SLC38A9: variants seen among roughly 807,000 people sequenced by gnomAD.
The protein encoded by SLC38A9 is neutral amino acid transporter 9.
A neutral mutation model predicts 62.3 loss-of-function variants in SLC38A9; 48 were observed. The observed-to-expected ratio is 0.77, with a 90% CI of 0.61 to 0.98. SLC38A9 has a LOEUF of 0.98. Among genes scored for constraint, SLC38A9 ranks in the 50% least tolerant of loss-of-function variants. The probability of loss-of-function intolerance (pLI) is 0.00; values close to 1 mark genes in which losing one functional copy is unlikely to be tolerated. For synonymous variants in SLC38A9, 204 were observed against 227.7 expected (o/e 0.90, Z 0.94); for missense variants, 541 against 679.8 (o/e 0.80, Z 2.27).
chr5:55,709,781 A>C (rs999186954), intron 2 of SLC38A9, among the ~76,000 whole-genome samples: 34 of 152,026 alleles, frequency 2.2e-4, no homozygotes, highest in Admixed American at 1.3e-3. Flanking sequence ...TCTAAGGCTA[A>C]CTGGCTGGGC....
rs987378681 is a variant in SLC38A9, at chr5:55,643,190, A to T, written c.1167+2599T>A. 1.5e-4 allele frequency among the ~76,000 whole-genome samples: 23 copies of T among 152,246 alleles called. 1 individual carries two copies. Among genetic ancestry groups the T allele is most frequent in the African/African-American group, 3.9e-4 (16 of 41,544 alleles). On this transcript the variant is annotated intron_variant, in intron 12 of 15. Transcript: ENST00000396865. The stretch of plus-strand genomic sequence containing the variant: ...AGAAAGTTAGGTTTTTCAGATCTTC[A>T]TTTTTAGTGTAGGTGTTTACAGCTA...
chr5:55,632,651 C>T (rs1198379893), intron 14 of SLC38A9, among the ~76,000 whole-genome samples: 1 of 152,172 alleles, frequency 6.6e-6, no homozygotes, highest in Non-Finnish European at 1.5e-5. Flanking sequence ...GAAACCTTTT[C>T]CCTCAAGCTG....
Position 55,664,740 on chromosome 5 carries a change from C to T in SLC38A9, c.650G>A (p.Trp217Ter). Residue 217 changes from tryptophan to a stop codon, truncating the protein, a stop_gained, in exon 8 of 16, where the codon TGG (tryptophan) becomes TAG (stop). Coordinates refer to ENST00000396865, the MANE Select transcript of SLC38A9 (RefSeq NM_173514.4). LOFTEE classifies it high-confidence loss of function. Reference sequence around the variant, plus strand: ...AAAAAGAAAATTTGACATAAGCACCCAATAAACTATCATTGCTCCAATGAG... The same window carrying T: ...AAAAAGAAAATTTGACATAAGCACCTAATAAACTATCATTGCTCCAATGAG... ...VSLIGAMIVY[W>*]VLMSNFLFNT... 6.3e-7 allele frequency: 1 copy of T among 1,574,832 alleles called. No individual in the cohort carries two copies. Among genetic ancestry groups the T allele is most frequent in the Non-Finnish European group, 8.6e-7 (1 of 1,166,472 alleles).
At chr5:55,638,092 C>T (rs1744754154) in intron 12 of SLC38A9, among the ~76,000 whole-genome samples, 2 of 152,188 alleles carry the variant, frequency 1.3e-5, no homozygotes, top group Admixed American at 1.3e-4. Flanking sequence ...TTTCACAGTA[C>T]TCCAACATAC....
At chr5:55,693,062 A>G in intron 3 of SLC38A9, 2 of 895,754 alleles carry the variant, frequency 2.2e-6, no homozygotes, top group Non-Finnish European at 2.7e-6. Flanking sequence ...TTGGATGAAG[A>G]CCCATTGTGA....
At chr5:55,706,409 T>C (rs1757306578) in intron 2 of SLC38A9, among the ~76,000 whole-genome samples, 1 of 152,196 alleles carries the variant, frequency 6.6e-6, no homozygotes, top group African/African-American at 2.4e-5. Context: ...TACTTAAAGA[T>C]TGAAAGTGAA....
chr5:55,677,923 T>TG (rs775015072), intron 3 of SLC38A9, among the ~76,000 whole-genome samples: 1,228 of 44,800 alleles, frequency 0.027, 22 homozygotes, highest in Non-Finnish European at 0.062. Flanking sequence ...TTTTTTTTCT[T>TG]TATTGTGTGT....
At chr5:55,678,833 T>A (rs984472410) in intron 3 of SLC38A9, among the ~76,000 whole-genome samples, 9 of 151,688 alleles carry the variant, frequency 5.9e-5, no homozygotes, top group South Asian at 4.2e-4. Context: ...TTAATTTTTT[T>A]AATTTTTTGT....
chr5:55,695,897 C>G, intron 3 of SLC38A9: 1 of 81,584 alleles, frequency 1.2e-5, no homozygotes, highest in Non-Finnish European at 3.0e-5. Context: ...GGGCGGGGGG[C>G]TAACCCCCCC....
At chr5:55,676,441 G>C (rs1240365119) in intron 3 of SLC38A9, among the ~76,000 whole-genome samples, 1 of 152,158 alleles carries the variant, frequency 6.6e-6, no homozygotes, top group Non-Finnish European at 1.5e-5. Context: ...GCCTCCCAAA[G>C]TGTTGGGATT....
chr5:55,704,081 C>T (rs983214926), intron 2 of SLC38A9: 2 of 152,252 alleles, frequency 1.3e-5, no homozygotes, highest in African/African-American at 4.8e-5. Context: ...GGTGGGAAGA[C>T]AGTTGGAGCA....
chr5:55,649,153 T>C (rs992758785), intron 11 of SLC38A9, 54 bp downstream of exon 11: 3 of 978,502 alleles, frequency 3.1e-6, no homozygotes, highest in East Asian at 2.8e-5. Context: ...GAATAGCATA[T>C]GACAATGGTT....
At chr5:55,667,584 G>C (rs1205168024) in intron 7 of SLC38A9, among the ~76,000 whole-genome samples, 1 of 151,906 alleles carries the variant, frequency 6.6e-6, no homozygotes, top group African/African-American at 2.4e-5. Context: ...TTGATATACT[G>C]TTGGATTCTA....
chr5:55,669,667 C>T (rs973291174), intron 5 of SLC38A9, 47 bp from the exon 6 acceptor site: 9 of 1,590,780 alleles, frequency 5.7e-6, no homozygotes, highest in Non-Finnish European at 6.0e-6. Context: ...TTTCACTCTT[C>T]AAACATTTTA....
rs577198833 is a variant in SLC38A9 at position 55,657,248 on chromosome 5, T to C, written c.698-474A>G. ...CTATAGTTTTCTTCACTTATGGGCATGATAATGTTAGTGTCTTCACAGTTC... is the reference window on the plus strand; with the variant it reads ...CTATAGTTTTCTTCACTTATGGGCACGATAATGTTAGTGTCTTCACAGTTC... On this transcript the variant is annotated intron_variant, in intron 8 of 15. Transcript: ENST00000396865. Among the ~76,000 whole-genome samples the C allele has an allele frequency of 9.8e-5, 15 of 152,336 alleles. No individual in the cohort carries two copies. The East Asian group carries it at 2.7e-3, about 27-fold the overall frequency.
intron 3 of SLC38A9, among the ~76,000 whole-genome samples, chr5:55,673,867 A>G (rs961167425): frequency 1.3e-5 from 2 of 152,122 alleles, no homozygotes; most frequent in African/African-American, 2.4e-5. Context: ...GTGCACCACC[A>G]TGCCTGACTA....
intron 3 of SLC38A9, among the ~76,000 whole-genome samples, chr5:55,686,147 T>C (rs183621962): frequency 1.3e-5 from 2 of 152,194 alleles, no homozygotes; most frequent in Admixed American, 6.5e-5. Context: ...TACCCAGTAA[T>C]GGGATTGCTG....
chr5:55,640,813 T>C (rs530466391), intron 12 of SLC38A9, among the ~76,000 whole-genome samples: 5 of 152,280 alleles, frequency 3.3e-5, no homozygotes, highest in Admixed American at 3.3e-4. Flanking sequence ...TATAAATGTA[T>C]AGGGAAATGA....
chr5:55,653,522 A>G (rs747245864), intron 9 of SLC38A9, among the ~76,000 whole-genome samples: 18 of 152,350 alleles, frequency 1.2e-4, no homozygotes, highest in Non-Finnish European at 2.4e-4. Context: ...AACAGCTGCC[A>G]TGATATCATA....
Sources: allele counts gnomAD v4.1 joint callset (sites outside exome capture counted in the v4.1 genomes callset), GRCh38; gene constraint gnomAD v4.1.1; transcripts MANE v1.5; gene names NCBI Gene and HGNC (gene_info 2026-07-23, HGNC 2026-07-21).